DISC1: variants seen among roughly 807,000 people sequenced by gnomAD.
DISC1 encodes DISC1 scaffold protein.
In DISC1, 57 loss-of-function variants were observed where a neutral mutation model predicts 84.5. That is an observed-to-expected ratio of 0.67 (90% CI 0.55 to 0.84). The LOEUF (loss-of-function observed/expected upper bound fraction) is 0.84. Ranked by LOEUF, DISC1 falls within the 40% of genes least tolerant of loss-of-function variation. The pLI is 0.00. For missense variants in DISC1, 1,000 were observed against 1,057.8 expected (o/e 0.95, Z 0.76); for synonymous variants, 411 against 415.2 (o/e 0.99, Z 0.12).
chr1:231,647,422 T>C (rs2060226231), intron 1 of DISC1, among the ~76,000 whole-genome samples: 1 of 152,258 alleles, frequency 6.6e-6, no homozygotes, highest in Non-Finnish European at 1.5e-5. Flanking sequence ...CATTGGTCTA[T>C]CTCTCTGTTT....
intron 10 of DISC1, among the ~76,000 whole-genome samples, chr1:231,968,143 T>G (rs1190907188): frequency 6.6e-6 from 1 of 152,236 alleles, no homozygotes; most frequent in Non-Finnish European, 1.5e-5. Context: ...GTAATGAATT[T>G]TAACTCAGAA....
Position 231,773,221 on chromosome 1 carries a change from G to A in DISC1, c.1634+2151G>A, listed in dbSNP as rs532566725. ...TCTCTTTCCTCATCTAAAACTAGGA[G>A]CTCCACAGTGTGGTTGGCTGATAGA... On this transcript the variant is annotated intron_variant, in intron 6 of 12. Coordinates refer to ENST00000439617, the MANE Select transcript of DISC1 (RefSeq NM_018662.3). 2.6e-5 allele frequency among the ~76,000 whole-genome samples: 4 copies of A among 152,304 alleles called. No homozygotes were observed. The South Asian group carries it at 8.3e-4, about 32-fold the overall frequency.
At chr1:231,749,070 G>A (rs1359893001) in intron 3 of DISC1, among the ~76,000 whole-genome samples, 3 of 152,206 alleles carry the variant, frequency 2.0e-5, no homozygotes, top group Admixed American at 1.3e-4. Context: ...TTCAATCTGA[G>A]CAGGGGATAC....
At chr1:231,898,987 A>C (rs961183100) in intron 9 of DISC1, among the ~76,000 whole-genome samples, 2 of 152,060 alleles carry the variant, frequency 1.3e-5, no homozygotes, top group African/African-American at 2.4e-5. Flanking sequence ...AAAAAACAAA[A>C]AAAAAAGAAA....
At chr1:232,001,776 A>C (rs1264390674) in intron 10 of DISC1, among the ~76,000 whole-genome samples, 1 of 152,104 alleles carries the variant, frequency 6.6e-6, no homozygotes, top group East Asian at 1.9e-4. Flanking sequence ...ATAAAACTAT[A>C]AAACTTTTAG....
intron 10 of DISC1, among the ~76,000 whole-genome samples, chr1:231,995,489 C>G (rs939652939): frequency 2.4e-4 from 37 of 151,984 alleles, no homozygotes; most frequent in Middle Eastern, 3.4e-3. Context: ...ATCCCTCCCC[C>G]CTATCCCCAC....
chr1:231,942,339 A>G (rs201250027), intron 9 of DISC1, among the ~76,000 whole-genome samples: 6 of 152,102 alleles, frequency 3.9e-5, no homozygotes, highest in Non-Finnish European at 5.9e-5. Context: ...AACCTTCTCT[A>G]TTTCCCAGCT....
chr1:232,026,396 C>A, intron 11 of DISC1, 39 bp from the exon 12 acceptor site: 1 of 1,388,256 alleles, frequency 7.2e-7, no homozygotes, highest in Non-Finnish European at 1.0e-6. Flanking sequence ...TCTGTGTCCA[C>A]GGCACTAACA....
intron 9 of DISC1, among the ~76,000 whole-genome samples, chr1:231,930,240 A>T (rs2090575352): frequency 6.6e-6 from 1 of 152,028 alleles, no homozygotes; most frequent in Non-Finnish European, 1.5e-5. Context: ...CAGATGAGAG[A>T]TGTGAGGTCA....
intron 9 of DISC1, among the ~76,000 whole-genome samples, chr1:231,847,738 G>C (rs1237496165): frequency 6.6e-6 from 1 of 152,090 alleles, no homozygotes; most frequent in African/African-American, 2.4e-5. Flanking sequence ...GTTAAATCCT[G>C]TTCCTCCAAG....
intron 9 of DISC1, among the ~76,000 whole-genome samples, chr1:231,924,183 A>G (rs2090191172): frequency 6.6e-6 from 1 of 152,218 alleles, no homozygotes; most frequent in Non-Finnish European, 1.5e-5. Context: ...CCATCAATCA[A>G]AGGAATGCAT....
chr1:231,913,851 C>T (rs1213239444), intron 9 of DISC1, among the ~76,000 whole-genome samples: 1 of 152,126 alleles, frequency 6.6e-6, no homozygotes. Flanking sequence ...CATTATTGTC[C>T]ACATGCCGAG....
In DISC1 at chr1:231,771,648, C is replaced by T. The variant is rs895683155; in HGVS notation, c.1634+578C>T. ...ACGTTTAAGAAGGTTATAATTTGCC[C>T]AAAGTCCTAATTAATAAGAGAGAAA... On this transcript the variant is annotated intron_variant, in intron 6 of 12. Coordinates refer to ENST00000439617, the MANE Select transcript of DISC1 (RefSeq NM_018662.3). 4.2e-6 allele frequency: 4 copies of T among 952,040 alleles called. No homozygotes were observed. In the African/African-American group the frequency reaches 7.1e-5, roughly 17 times the overall value. The allele number at this position is 952,040 out of a possible 1,614,324, so 59.0% of individuals were successfully genotyped here. A position where few individuals can be genotyped will look rare whatever the true frequency, so the allele number is the denominator to read the frequency against.
At chr1:231,716,742 C>G (rs1027224377) in intron 3 of DISC1, among the ~76,000 whole-genome samples, 1 of 152,104 alleles carries the variant, frequency 6.6e-6, no homozygotes, top group Non-Finnish European at 1.5e-5. Flanking sequence ...GCAGAGAAGG[C>G]TAAGGTGTAA....
intron 12 of DISC1, among the ~76,000 whole-genome samples, chr1:232,027,081 A>G (rs1669550607): frequency 1.3e-5 from 2 of 152,176 alleles, no homozygotes; most frequent in African/African-American, 4.8e-5. Flanking sequence ...GCTAAATCCA[A>G]CCACTAACAA....
At chr1:231,920,617 A>G (rs2089936505) in intron 9 of DISC1, among the ~76,000 whole-genome samples, 1 of 152,204 alleles carries the variant, frequency 6.6e-6, no homozygotes, top group African/African-American at 2.4e-5. Context: ...CTTAAGGCTG[A>G]ATAACATTCC....
chr1:231,916,948 G>A (rs1453635553), intron 9 of DISC1, among the ~76,000 whole-genome samples: 2 of 152,126 alleles, frequency 1.3e-5, no homozygotes, highest in African/African-American at 4.8e-5. Context: ...TATAAACTCT[G>A]TTGGCATCTT....
At chr1:231,997,262 T>C (rs958828530) in intron 10 of DISC1, among the ~76,000 whole-genome samples, 1 of 152,174 alleles carries the variant, frequency 6.6e-6, no homozygotes, top group African/African-American at 2.4e-5. Context: ...ATTCCAGTCA[T>C]TATACTGCAG....
intron 9 of DISC1, among the ~76,000 whole-genome samples, chr1:231,929,149 C>T (rs779212660): frequency 2.0e-5 from 3 of 152,064 alleles, no homozygotes; most frequent in Non-Finnish European, 2.9e-5. Context: ...CTAATATTGA[C>T]GGTGGGATGT....
Sources: allele counts gnomAD v4.1 joint callset (sites outside exome capture counted in the v4.1 genomes callset), GRCh38; gene constraint gnomAD v4.1.1; transcripts MANE v1.5; gene names NCBI Gene and HGNC (gene_info 2026-07-23, HGNC 2026-07-21).